ZFR: variants seen among roughly 807,000 people sequenced by gnomAD.
ZFR encodes the protein zinc finger RNA-binding protein.
In ZFR, 19 loss-of-function variants were observed where a neutral mutation model predicts 130.7. The observed-to-expected ratio is 0.15, with a 90% CI of 0.10 to 0.21. The LOEUF (loss-of-function observed/expected upper bound fraction) is 0.21. ZFR is among the 10% of genes least tolerant of loss of function. The pLI, the probability that ZFR is intolerant of heterozygous loss-of-function variation, is 1.00. For synonymous variants in ZFR, 466 were observed against 456.9 expected (o/e 1.02, Z -0.25); for missense variants, 872 against 1,321.5 (o/e 0.66, Z 5.27).
At chr5:32,395,848 A>C (rs185167350) in intron 10 of ZFR, among the ~76,000 whole-genome samples, 158 of 152,356 alleles carry the variant, frequency 1.0e-3, no homozygotes, top group Non-Finnish European at 8.4e-4. Flanking sequence ...TATATGAGAT[A>C]CATGACATAC....
intron 3 of ZFR, among the ~76,000 whole-genome samples, chr5:32,419,158 A>G (rs1753897749): frequency 6.6e-6 from 1 of 152,236 alleles, no homozygotes; most frequent in South Asian, 2.1e-4. Flanking sequence ...GCTCTAGTAC[A>G]AACAAGGGAA....
chr5:32,437,014 T>C (rs1754352448), intron 2 of ZFR, among the ~76,000 whole-genome samples: 1 of 152,206 alleles, frequency 6.6e-6, no homozygotes, highest in South Asian at 2.1e-4. Flanking sequence ...ACATGGCAGG[T>C]AATAGGAGGA....
At chr5:32,360,368 C>T (rs528613464) in intron 19 of ZFR, among the ~76,000 whole-genome samples, 1 of 152,114 alleles carries the variant, frequency 6.6e-6, no homozygotes, top group Non-Finnish European at 1.5e-5. Context: ...ACCCCAAGCC[C>T]AACAGCAGTT....
chr5:32,424,932 C>T (rs557805536), intron 2 of ZFR, among the ~76,000 whole-genome samples: 5 of 151,446 alleles, frequency 3.3e-5, no homozygotes, highest in African/African-American at 1.2e-4. Flanking sequence ...GAGTGAAACA[C>T]AAGAGTTTCA....
chr5:32,416,045 A>C (rs925628542), intron 4 of ZFR, among the ~76,000 whole-genome samples: 4 of 151,886 alleles, frequency 2.6e-5, no homozygotes, highest in African/African-American at 9.7e-5. Context: ...GGCTCACTGC[A>C]ACCTCAAACT....
At chr5:32,372,271 G>A (rs1461412046) in intron 17 of ZFR, among the ~76,000 whole-genome samples, 1 of 152,204 alleles carries the variant, frequency 6.6e-6, no homozygotes, top group Non-Finnish European at 1.5e-5. Flanking sequence ...AACATAGCAT[G>A]AAAACTAGTG....
chr5:32,374,005 C>A (rs1406840340), intron 17 of ZFR, among the ~76,000 whole-genome samples: 1 of 152,108 alleles, frequency 6.6e-6, no homozygotes, highest in East Asian at 1.9e-4. Context: ...CAAAGAAGGC[C>A]TGGGTAGGAC....
Position 32,386,301 on chromosome 5 carries a change from T to C in ZFR, c.2500-652A>G, listed in dbSNP as rs1245453282. On this transcript the variant is annotated intron_variant, in intron 14 of 19. Coordinates refer to ENST00000265069, the MANE Select transcript of ZFR (RefSeq NM_016107.5). ...GGAGAAAATAATTGTACCTAACCTATAGGGTGGCTGGAAGATTAAATGAAT... is the reference window on the plus strand; with the variant it reads ...GGAGAAAATAATTGTACCTAACCTACAGGGTGGCTGGAAGATTAAATGAAT... Among the ~76,000 whole-genome samples the C allele has an allele frequency of 2.0e-5, 3 of 152,196 alleles. No homozygotes were observed. The South Asian group carries it at 6.2e-4, about 32-fold the overall frequency.
At chr5:32,395,075 G>C in intron 11 of ZFR, 84 bp downstream of exon 11, 2 of 1,444,338 alleles carry the variant, frequency 1.4e-6, no homozygotes, top group Non-Finnish European at 1.8e-6. Context: ...GGATTGCTTT[G>C]AATGGGAGTC....
chr5:32,443,409 C>A (rs945839842), intron 2 of ZFR, among the ~76,000 whole-genome samples: 3 of 152,262 alleles, frequency 2.0e-5, no homozygotes, highest in African/African-American at 7.2e-5. Flanking sequence ...TCTTCCCTCC[C>A]CACCATTCCC....
At chr5:32,398,920 G>A (rs1177663695) in intron 9 of ZFR, among the ~76,000 whole-genome samples, 1 of 152,016 alleles carries the variant, frequency 6.6e-6, no homozygotes, top group Non-Finnish European at 1.5e-5. Context: ...GAGCCACTGT[G>A]CCTGGCCATC....
chr5:32,436,515 T>C (rs1754338748), intron 2 of ZFR, among the ~76,000 whole-genome samples: 1 of 152,196 alleles, frequency 6.6e-6, no homozygotes, highest in Non-Finnish European at 1.5e-5. Context: ...GCTTGATATA[T>C]GCCAGGCACT....
Position 32,364,065 on chromosome 5 carries a change from G to C in ZFR, c.2948-20C>G. On this transcript the variant is annotated intron_variant, in intron 18 of 19. Coordinates refer to ENST00000265069, the MANE Select transcript of ZFR (RefSeq NM_016107.5). ...GACTACCTACAGCAATCACCACAGG[G>C]AGAGGAAATTATTAGCATTGTCCAC... 1 of 1,610,756 alleles carries C rather than the reference G, an allele frequency of 6.2e-7. No homozygotes were observed. The highest frequency in any genetic ancestry group is 8.5e-7 in the Non-Finnish European group (1 of 1,177,330).
chr5:32,370,553 C>T (rs1296869879), intron 17 of ZFR, among the ~76,000 whole-genome samples: 1 of 152,096 alleles, frequency 6.6e-6, no homozygotes, highest in Non-Finnish European at 1.5e-5. Context: ...TTAAGTTTGT[C>T]TTTTGTAGAC....
chr5:32,415,089 T>C lies in ZFR; in HGVS notation c.664A>G (p.Thr222Ala), dbSNP rs1037080743. The C allele has an allele frequency of 1.9e-6, 3 of 1,614,160 alleles. No homozygotes were observed. The African/African-American group carries it at 4.0e-5, about 22-fold the overall frequency. Residue 222 changes from threonine (T) to alanine (A), a missense_variant, in exon 5 of 20, where the codon ACC (threonine) becomes GCC (alanine). Physicochemically the swap from Thr to Ala is moderately conservative, Grantham distance 58. This residue lies in a region of ZFR where 240 missense variants were observed against 441.2 expected (regional missense o/e 0.54). Transcript: ENST00000265069. ...AIKPATPSPA[T>A]TTFSIYPVSS... ...ACAGGATAGATGGAGAAAGTAGTGG[T>C]AGCTGGACTTGGTGTGGCTGGTTTT...
intron 19 of ZFR, among the ~76,000 whole-genome samples, chr5:32,363,084 A>G (rs1483242198): frequency 1.3e-5 from 2 of 152,148 alleles, no homozygotes; most frequent in Non-Finnish European, 2.9e-5. Flanking sequence ...CTCCCCCAAT[A>G]CCATTTCTGG....
chr5:32,359,864 C>T (rs1752392549), intron 19 of ZFR, among the ~76,000 whole-genome samples: 1 of 151,414 alleles, frequency 6.6e-6, no homozygotes, highest in Non-Finnish European at 1.5e-5. Flanking sequence ...GCAGGAAAAT[C>T]GCTTGAACTC....
intron 2 of ZFR, among the ~76,000 whole-genome samples, chr5:32,429,659 C>T (rs762506046): frequency 3.3e-5 from 5 of 152,096 alleles, no homozygotes; most frequent in African/African-American, 4.8e-5. Context: ...AAGCCTAACC[C>T]GAAAATACTT....
Position 32,417,803 on chromosome 5 carries a change from G to A in ZFR, c.421-11C>T. On this transcript the variant is annotated splice_polypyrimidine_tract_variant and intron_variant, in intron 3 of 19. Transcript: ENST00000265069. ...ATATGAGTATGAATCCTAAAGAAAAGGAATGAAAGAAAATCTTGCTATGAG... is the reference window on the plus strand; with the variant it reads ...ATATGAGTATGAATCCTAAAGAAAAAGAATGAAAGAAAATCTTGCTATGAG... The A allele has an allele frequency of 3.7e-6, 6 of 1,605,584 alleles. No individual in the cohort carries two copies. The highest frequency in any genetic ancestry group is 5.1e-6 in the Non-Finnish European group (6 of 1,174,400).
Sources: allele counts gnomAD v4.1 joint callset (sites outside exome capture counted in the v4.1 genomes callset), GRCh38; gene constraint gnomAD v4.1.1; regional missense constraint gnomAD v4.1.1; transcripts MANE v1.5; gene names NCBI Gene and HGNC (gene_info 2026-07-23, HGNC 2026-07-21).